ABCB4: variants seen among roughly 807,000 people sequenced by gnomAD.
ABCB4 encodes phosphatidylcholine translocator ABCB4.
A neutral mutation model predicts 145.7 loss-of-function variants in ABCB4; 76 were observed. That is an observed-to-expected ratio of 0.52 (90% CI 0.43 to 0.63). The LOEUF (loss-of-function observed/expected upper bound fraction) is 0.63, where lower values mean the gene tolerates loss of function less well. Ranked by LOEUF, ABCB4 falls within the 30% of genes least tolerant of loss-of-function variation. The pLI, the probability that ABCB4 is intolerant of heterozygous loss-of-function variation, is 0.00. For synonymous variants in ABCB4, 517 were observed against 566.8 expected (o/e 0.91, Z 1.25); for missense variants, 1,234 against 1,553.1 (o/e 0.79, Z 3.45).
At chr7:87,377,667 A>G in the ABCB4 span, among the ~76,000 whole-genome samples, 1 of 152,220 alleles carries the variant, frequency 6.6e-6, no homozygotes, top group East Asian at 1.9e-4. Context: ...TATATCTGCA[A>G]AATGGGATTT....
At chr7:87,433,258 C>T (rs1034434514) in intron 14 of ABCB4, among the ~76,000 whole-genome samples, 2 of 152,054 alleles carry the variant, frequency 1.3e-5, no homozygotes, top group African/African-American at 4.8e-5. Context: ...AAAAGAGAAA[C>T]ATCACTGGAA....
At chr7:87,444,260 G>T (rs1811190617) in intron 10 of ABCB4, among the ~76,000 whole-genome samples, 1 of 152,154 alleles carries the variant, frequency 6.6e-6, no homozygotes, top group African/African-American at 2.4e-5. Flanking sequence ...CAGAAACTGA[G>T]CACTTTTCTC....
the ABCB4 span, among the ~76,000 whole-genome samples, chr7:87,382,938 C>T: frequency 2.6e-5 from 4 of 152,094 alleles, no homozygotes; most frequent in African/African-American, 9.7e-5. Flanking sequence ...CTTAATACAT[C>T]CTAAGAAGAA....
At chr7:87,394,676 A>G in the ABCB4 span, among the ~76,000 whole-genome samples, 2,387 of 152,242 alleles carry the variant, frequency 0.016, 73 homozygotes, top group African/African-American at 0.054. Flanking sequence ...GGTGGGTGCT[A>G]TATTTTTTAT....
chr7:87,398,556 G>A, downstream of ABCB4: 1 of 1,613,700 alleles, frequency 6.2e-7, no homozygotes, highest in Non-Finnish European at 8.5e-7. Flanking sequence ...TGGAAATCCT[G>A]TCCCGAGACT....
chr7:87,444,742 T>C, intron 10 of ABCB4, 120 bp downstream of exon 10: 1 of 680,822 alleles, frequency 1.5e-6, no homozygotes, highest in East Asian at 2.8e-5. Context: ...TATAATTAAA[T>C]GTCACTTTAG....
chr7:87,398,885 A>G (rs1807648505), downstream of ABCB4: 14 of 480,526 alleles, frequency 2.9e-5, no homozygotes, highest in South Asian at 3.0e-4. Context: ...CATAGTGAAT[A>G]TAGAACTATG....
the ABCB4 span, among the ~76,000 whole-genome samples, chr7:87,371,951 G>A: frequency 2.1e-5 from 3 of 141,930 alleles, no homozygotes; most frequent in East Asian, 4.1e-4. Context: ...CTGTGATTAC[G>A]CCACTGCACT....
At chr7:87,418,943 G>A (rs1416626636) in intron 19 of ABCB4, among the ~76,000 whole-genome samples, 1 of 152,170 alleles carries the variant, frequency 6.6e-6, no homozygotes, top group Admixed American at 6.5e-5. Flanking sequence ...TTTCACTATG[G>A]ACACTTCTGC....
chr7:87,381,482 A>G, the ABCB4 span, among the ~76,000 whole-genome samples: 1 of 152,178 alleles, frequency 6.6e-6, no homozygotes. Flanking sequence ...TCCTTACCTA[A>G]AGAAGTTCAT....
chr7:87,404,242 C>T (rs1808017797), intron 26 of ABCB4, among the ~76,000 whole-genome samples: 1 of 152,128 alleles, frequency 6.6e-6, no homozygotes, highest in African/African-American at 2.4e-5. Flanking sequence ...TAATTAAGCT[C>T]TACGTCAGTG....
chr7:87,392,248 T>A, the ABCB4 span, among the ~76,000 whole-genome samples: 1 of 152,220 alleles, frequency 6.6e-6, no homozygotes, highest in East Asian at 1.9e-4. Context: ...TTTATAGAAC[T>A]GCTTTATTGT....
Position 87,402,012 on chromosome 7 carries a change from T to A in ABCB4, c.*84A>T, listed in dbSNP as rs1364042284. 1.9e-5 allele frequency: 29 copies of A among 1,548,062 alleles called. No homozygotes were observed. Among genetic ancestry groups the A allele is most frequent in the Non-Finnish European group, 2.6e-5 (29 of 1,134,012 alleles). Reference sequence around the variant, plus strand: ...AGACAGACATACCTATGTTTTATGATGACAAACCAGAAACTTATTTTACAA... The same window carrying A: ...AGACAGACATACCTATGTTTTATGAAGACAAACCAGAAACTTATTTTACAA... On this transcript the variant is annotated 3_prime_UTR_variant, in exon 28 of 28. Transcript: ENST00000649586.
chr7:87,369,994 C>T, the ABCB4 span, among the ~76,000 whole-genome samples: 1 of 151,994 alleles, frequency 6.6e-6, no homozygotes, highest in African/African-American at 2.4e-5. Flanking sequence ...CTAGCATCAA[C>T]AGTTATAAAC....
chr7:87,424,116 T>C (rs1421218645), intron 16 of ABCB4, 64 bp from the exon 17 acceptor site: 4 of 1,609,654 alleles, frequency 2.5e-6, no homozygotes, highest in Non-Finnish European at 2.5e-6. Context: ...TCTGTAGACA[T>C]AGAAAAGGCA....
the ABCB4 span, chr7:87,392,842 T>G: frequency 6.2e-7 from 1 of 1,610,902 alleles, no homozygotes; most frequent in Non-Finnish European, 8.5e-7. Flanking sequence ...GTGTAGTGTT[T>G]TACAGCTTCA....
chr7:87,453,221 T>C, intron 5 of ABCB4, 86 bp from the exon 6 acceptor site: 1 of 1,363,726 alleles, frequency 7.3e-7, no homozygotes, highest in East Asian at 2.4e-5. Flanking sequence ...TCTCACTCTG[T>C]CACCCAGGCT....
At chr7:87,465,079 T>TC (rs1812767400) in intron 3 of ABCB4, among the ~76,000 whole-genome samples, 1 of 152,084 alleles carries the variant, frequency 6.6e-6, no homozygotes, top group African/African-American at 2.4e-5. Flanking sequence ...GGGGGAAGCA[T>TC]CCCCTCACCC....
At chr7:87,455,247 T>C (rs899912303) in intron 4 of ABCB4, among the ~76,000 whole-genome samples, 1 of 152,198 alleles carries the variant, frequency 6.6e-6, no homozygotes, top group Admixed American at 6.5e-5. Flanking sequence ...TTCTAGTATT[T>C]TTTGAAGCAG....
Sources: allele counts gnomAD v4.1 joint callset (sites outside exome capture counted in the v4.1 genomes callset), GRCh38; gene constraint gnomAD v4.1.1; transcripts MANE v1.5; gene names NCBI Gene and HGNC (gene_info 2026-07-23, HGNC 2026-07-21).